The following SETD2 variants were observed in gnomAD, a reference collection of about 807,000 sequenced individuals.
SETD2 encodes the protein SET domain containing 2, histone lysine methyltransferase.
A neutral mutation model predicts 242.1 loss-of-function variants in SETD2; 31 were observed. The observed-to-expected ratio is 0.13, with a 90% confidence interval of 0.10 to 0.17. The LOEUF is 0.17. SETD2 is among the 10% of genes least tolerant of loss of function. The pLI is 1.00. For synonymous variants in SETD2, 1,006 were observed against 1,066.5 expected (o/e 0.94, Z 1.11); for missense variants, 2,481 against 3,046.3 (o/e 0.81, Z 4.37).
chr3:47,092,763 A>G (rs544468140), intron 9 of SETD2, among the ~76,000 whole-genome samples: 23 of 152,186 alleles, frequency 1.5e-4, no homozygotes, highest in Admixed American at 1.3e-3. Context: ...TATAAAAACA[A>G]TTAGTAAATA....
intron 1 of SETD2, among the ~76,000 whole-genome samples, chr3:47,128,283 A>C (rs1234629132): frequency 6.6e-6 from 1 of 152,220 alleles, no homozygotes; most frequent in Non-Finnish European, 1.5e-5. Context: ...ATGTTCTAAC[A>C]AAGGTAACCA....
chr3:47,057,005 G>T lies in SETD2; in HGVS notation c.6779C>A (p.Pro2260Gln). 6.2e-7 allele frequency: 1 copy of T among 1,614,246 alleles called. No homozygotes were observed. The highest frequency in any genetic ancestry group is 8.5e-7 in the Non-Finnish European group (1 of 1,180,048). The change falls in exon 15 of 21, where the codon CCG becomes CAG. Residue 2260 changes from proline to glutamine, a missense_variant. Transcript: ENST00000409792. The stretch of plus-strand genomic sequence containing the variant: ...CTGTCCCTGAACTGGGCCGGGGGCC[G>T]GCACTGGCAAGACAGCAACGCTGGA... Reference protein sequence around the residue: ...QDSSVAVLPVPAPGPVQGQNY... With the variant: ...QDSSVAVLPVQAPGPVQGQNY...
At chr3:47,058,242 A>T (rs1015818101) in intron 14 of SETD2, among the ~76,000 whole-genome samples, 1 of 152,064 alleles carries the variant, frequency 6.6e-6, no homozygotes, top group Non-Finnish European at 1.5e-5. Context: ...CAGGAGTTCA[A>T]GACCAGCCTG....
chr3:47,081,006 G>T, intron 12 of SETD2: 1 of 986,882 alleles, frequency 1.0e-6, no homozygotes, highest in Non-Finnish European at 1.2e-6. Flanking sequence ...TCTTCAGCAC[G>T]AAGTTGGAAA....
rs528809251 is a variant in SETD2, at chr3:47,048,029, A to G, written c.6964-1408T>C. On this transcript the variant is annotated intron_variant, in intron 15 of 20. Coordinates refer to ENST00000409792, the MANE Select transcript of SETD2 (RefSeq NM_014159.7). ...GCATGTTTCTGTAATAAAGACTTGT[A>G]AGCAACTATAACTTAACAGTATCTG... Among the ~76,000 whole-genome samples the G allele has an allele frequency of 6.6e-5, 10 of 152,316 alleles. 1 individual carries two copies. The South Asian group carries it at 2.1e-3, about 32-fold the overall frequency.
chr3:47,163,638 G>A, intron 1 of SETD2: 1 of 263,340 alleles, frequency 3.8e-6, no homozygotes, highest in Non-Finnish European at 6.9e-6. Flanking sequence ...GACACGAGCA[G>A]CGGCGCCAAC....
chr3:47,161,210 G>A (rs949850589), intron 1 of SETD2, among the ~76,000 whole-genome samples: 15 of 152,098 alleles, frequency 9.9e-5, no homozygotes, highest in South Asian at 2.1e-4. Context: ...GCACTTACAC[G>A]TGCCACATTC....
At chr3:47,128,588 G>C (rs936043337) in intron 1 of SETD2, among the ~76,000 whole-genome samples, 2 of 152,096 alleles carry the variant, frequency 1.3e-5, no homozygotes, top group African/African-American at 4.8e-5. Context: ...AGTAATGACA[G>C]GGGGAGAGGG....
At chr3:47,118,355 C>T (rs2042942584) in intron 3 of SETD2, among the ~76,000 whole-genome samples, 1 of 152,098 alleles carries the variant, frequency 6.6e-6, no homozygotes, top group African/African-American at 2.4e-5. Context: ...TCATTATATT[C>T]ATATTATTTT....
intron 13 of SETD2, 118 bp from the exon 14 acceptor site, chr3:47,062,464 A>G: frequency 2.2e-6 from 2 of 901,878 alleles, no homozygotes; most frequent in South Asian, 1.8e-5. Flanking sequence ...AAATGTATCT[A>G]TGGACTCCTC....
chr3:47,134,909 C>T (rs147934195), intron 1 of SETD2, among the ~76,000 whole-genome samples: 183 of 152,300 alleles, frequency 1.2e-3, no homozygotes, highest in Non-Finnish European at 1.7e-3. Flanking sequence ...TAGGTGTAAA[C>T]CACCACACCC....
At chr3:47,095,571 G>A (rs141292737) in intron 9 of SETD2, among the ~76,000 whole-genome samples, 86 of 152,204 alleles carry the variant, frequency 5.7e-4, no homozygotes, top group Non-Finnish European at 1.0e-3. Flanking sequence ...AAAAATGTCC[G>A]GTAGTCAAGT....
At position 47,121,304 on chromosome 3, in the gene SETD2, T is replaced by G. The variant is rs1178367705; in HGVS notation, c.3332A>C (p.His1111Pro). The change falls in exon 3 of 21, where the codon CAT becomes CCT. Residue 1111 changes from histidine (H) to proline (P), a missense_variant. His to Pro is a moderately conservative substitution (Grantham distance 77, BLOSUM62 -2). Around this residue, in one of 17 missense-constraint regions of SETD2, gnomAD observed 1,300 missense variants for 1,259.2 expected, o/e 1.03. Transcript: ENST00000409792. ...WEDERLESRRHLYEEKFESIA... is the reference protein window; with the variant it reads ...WEDERLESRRPLYEEKFESIA... ...ACTTTCAAATTTTTCCTCATACAAA[T>G]GTCTCCTTGACTCCAATCTCTCATC... The G allele has an allele frequency of 3.1e-6, 5 of 1,612,594 alleles. No homozygotes were observed. The highest frequency in any genetic ancestry group is 1.3e-5 in the African/African-American group (1 of 74,932).
chr3:47,130,062 T>A (rs180934547), intron 1 of SETD2, among the ~76,000 whole-genome samples: 188 of 152,284 alleles, frequency 1.2e-3, no homozygotes, highest in African/African-American at 4.5e-3. Context: ...CAATTTATAA[T>A]TGAGCTCATT....
At chr3:47,162,753 AAATC>A (rs1348619713) in intron 1 of SETD2, among the ~76,000 whole-genome samples, 151 of 152,352 alleles carry the variant, frequency 9.9e-4, no homozygotes, top group African/African-American at 3.3e-3. Context: ...GATAAGTTTT[AAATC>A]AATAGTATAT....
intron 1 of SETD2, among the ~76,000 whole-genome samples, chr3:47,127,332 G>A (rs1161115851): frequency 6.8e-6 from 1 of 147,942 alleles, no homozygotes; most frequent in African/African-American, 2.5e-5. Flanking sequence ...CACTCCAGCT[G>A]TGGTGATGGC....
chr3:47,081,644 A>G (rs2041323266), intron 12 of SETD2, among the ~76,000 whole-genome samples: 1 of 152,202 alleles, frequency 6.6e-6, no homozygotes, highest in Admixed American at 6.5e-5. Context: ...GTTAAATGCT[A>G]TCTATGTTTG....
chr3:47,042,070 C>T (rs2039304852), intron 17 of SETD2, among the ~76,000 whole-genome samples: 1 of 152,168 alleles, frequency 6.6e-6, no homozygotes, highest in South Asian at 2.1e-4. Context: ...ATTAGAAATA[C>T]ACCAAAACTG....
chr3:47,152,066 C>G (rs1235980460), intron 1 of SETD2, among the ~76,000 whole-genome samples: 2 of 152,120 alleles, frequency 1.3e-5, no homozygotes, highest in African/African-American at 4.8e-5. Context: ...CTATACTTTT[C>G]ATAATTGTGA....
Sources: gnomAD v4.1 joint callset for allele counts (sites outside exome capture counted in the v4.1 genomes callset) on GRCh38, gnomAD v4.1.1 for gene constraint, gnomAD v4.1.1 regional missense constraint, MANE v1.5 for transcripts, NCBI Gene and HGNC (gene_info 2026-07-23, HGNC 2026-07-21) for gene names.